The following OGDH variants were observed in gnomAD, a reference collection of about 807,000 sequenced individuals.
OGDH encodes oxoglutarate dehydrogenase.
In OGDH, 38 loss-of-function variants were observed where a neutral mutation model predicts 116.6. The observed-to-expected ratio is 0.33, with a 90% CI of 0.25 to 0.43. The LOEUF (loss-of-function observed/expected upper bound fraction) is 0.43, where lower values mean the gene tolerates loss of function less well. Among genes scored for constraint, OGDH ranks in the 20% least tolerant of loss-of-function variants. OGDH has a pLI of 1.00. For missense variants in OGDH, 825 were observed against 1,357.2 expected (o/e 0.61, Z 6.16); for synonymous variants, 488 against 533.3 (o/e 0.92, Z 1.17).
rs774482455 is a variant in OGDH at position 44,696,984 on chromosome 7, G to C, written c.1971G>C (p.Glu657Asp). ...GGACTGTGGACTGGGCTCTAGCGGA[G>C]TACATGGCGTTTGGCTCGCTCCTGA... ...KNRTVDWALA[E>D]YMAFGSLLKE... Residue 657 changes from glutamate (E) to aspartate (D), a missense_variant, in exon 15 of 23, where the codon GAG becomes GAC. Transcript: ENST00000222673. 1.9e-6 allele frequency: 3 copies of C among 1,614,250 alleles called. No homozygotes were observed. Among genetic ancestry groups the C allele is most frequent in the Non-Finnish European group, 2.5e-6 (3 of 1,180,038 alleles).
At chr7:44,668,445 C>T (rs187542686) in intron 5 of OGDH, among the ~76,000 whole-genome samples, 4 of 150,928 alleles carry the variant, frequency 2.7e-5, no homozygotes, top group Admixed American at 2.6e-4. Context: ...CAAAAACAAA[C>T]AAAAAAAAAC....
chr7:44,619,359 T>A (rs1395114432), intron 1 of OGDH, among the ~76,000 whole-genome samples: 1 of 152,156 alleles, frequency 6.6e-6, no homozygotes, highest in African/African-American at 2.4e-5. Flanking sequence ...CCTTGACCTG[T>A]GGTATCTGAT....
intron 4 of OGDH, among the ~76,000 whole-genome samples, chr7:44,648,939 T>C (rs779563747): frequency 2.8e-4 from 43 of 152,216 alleles, no homozygotes; most frequent in Non-Finnish European, 6.2e-4. Context: ...GGGCCTCTCT[T>C]TGCAGTGTCC....
chr7:44,663,365 C>T (rs1453370182), intron 4 of OGDH, among the ~76,000 whole-genome samples: 1 of 152,248 alleles, frequency 6.6e-6, no homozygotes, highest in Non-Finnish European at 1.5e-5. Context: ...GGGCCAGGTG[C>T]AGTGGCTTAC....
chr7:44,656,325 A>G, intron 4 of OGDH: 1 of 1,535,984 alleles, frequency 6.5e-7, no homozygotes. Flanking sequence ...CAGATCTTGC[A>G]GTTTTCAAGG....
intron 2 of OGDH, among the ~76,000 whole-genome samples, chr7:44,628,119 C>T (rs1785280387): frequency 6.6e-6 from 1 of 152,192 alleles, no homozygotes; most frequent in South Asian, 2.1e-4. Flanking sequence ...ACCCCAGTGA[C>T]TTTTTTATTT....
chr7:44,700,333 G>A (rs1007785276), intron 19 of OGDH, 64 bp downstream of exon 19: 27 of 1,592,268 alleles, frequency 1.7e-5, no homozygotes, highest in Non-Finnish European at 2.1e-5. Context: ...GCAGGGAAGG[G>A]CTCCTCAGAG....
chr7:44,670,803 G>T (rs956558815), intron 5 of OGDH, among the ~76,000 whole-genome samples: 1 of 152,092 alleles, frequency 6.6e-6, no homozygotes, highest in Non-Finnish European at 1.5e-5. Flanking sequence ...GAGGTCAGGA[G>T]ATCGAGACCA....
chr7:44,704,508 G>A (rs1047597896), intron 20 of OGDH, among the ~76,000 whole-genome samples: 3 of 151,812 alleles, frequency 2.0e-5, no homozygotes, highest in Non-Finnish European at 4.4e-5. Context: ...CATGAGCCAC[G>A]GTACCCAGCC....
chr7:44,678,265 C>T (rs1039214804), intron 9 of OGDH, among the ~76,000 whole-genome samples: 1 of 152,086 alleles, frequency 6.6e-6, no homozygotes, highest in African/African-American at 2.4e-5. Flanking sequence ...ATGACCAGTG[C>T]CTCTGGTATT....
rs781776901 is a variant in OGDH at position 44,697,044 on chromosome 7, C to T, written c.2031C>T (p.Asp677=). Residue 677 remains aspartate (D), a synonymous_variant, in exon 15 of 23, where the codon GAC becomes GAT. Coordinates refer to ENST00000222673, the MANE Select transcript of OGDH (RefSeq NM_002541.4). The surrounding 1 kb of genome is among the most constrained non-coding windows in gnomAD (Gnocchi z 6.0). The part of the protein sequence containing the change: ...EGIHIRLSGQ[D]VERGTFSHRH... ...TCCACATTCGGCTGAGCGGCCAGGA[C>T]GTGGAGCGGGGCACATTCAGGTAAC... The T allele has an allele frequency of 2.0e-5, 32 of 1,613,994 alleles. No homozygotes were observed. Among genetic ancestry groups the T allele is most frequent in the Non-Finnish European group, 2.6e-5 (31 of 1,179,960 alleles).
chr7:44,675,094 GA>G (rs200205402), intron 7 of OGDH, 83 bp from the exon 8 acceptor site: 2 of 1,031,932 alleles, frequency 1.9e-6, no homozygotes, highest in Non-Finnish European at 3.0e-6. Flanking sequence ...GGGGGAGGGG[GA>G]GGGGGGGATT....
At chr7:44,633,126 C>T (rs570466123) in intron 2 of OGDH, among the ~76,000 whole-genome samples, 5 of 151,214 alleles carry the variant, frequency 3.3e-5, no homozygotes, top group South Asian at 2.1e-4. Context: ...GGTGGCGCAC[C>T]CCTGTAGTCC....
chr7:44,681,759 G>A lies in OGDH; in HGVS notation c.1246G>A (p.Gly416Ser), dbSNP rs1241531508. ...GTTGCATGGGGATGCTGCATTTGCT[G>A]GCCAGGGCATTGTGTACGAGACCTT... Reference protein sequence around the residue: ...ILLHGDAAFAGQGIVYETFHL... With the variant: ...ILLHGDAAFASQGIVYETFHL... The change falls in exon 10 of 23, where the codon GGC (glycine) becomes AGC (serine). Residue 416 changes from glycine to serine, a missense_variant. Physicochemically the swap from Gly to Ser is moderately conservative, Grantham distance 56. Coordinates refer to ENST00000222673, the MANE Select transcript of OGDH (RefSeq NM_002541.4). The A allele has an allele frequency of 6.2e-7, 1 of 1,614,018 alleles. No individual in the cohort carries two copies. Among genetic ancestry groups the A allele is most frequent in the African/African-American group, 1.3e-5 (1 of 74,908 alleles).
At chr7:44,616,264 G>A (rs1784762960) in intron 1 of OGDH, among the ~76,000 whole-genome samples, 1 of 152,000 alleles carries the variant, frequency 6.6e-6, no homozygotes, top group South Asian at 2.1e-4. Flanking sequence ...TTTTAAAAGT[G>A]CCTATTTATC....
intron 4 of OGDH, among the ~76,000 whole-genome samples, chr7:44,654,146 C>T (rs993181886): frequency 4.6e-5 from 7 of 152,164 alleles, no homozygotes; most frequent in Non-Finnish European, 1.0e-4. Flanking sequence ...TGAGCCACCA[C>T]GCTCCGTGAG....
At chr7:44,627,146 G>C (rs989585004) in intron 2 of OGDH, among the ~76,000 whole-genome samples, 1 of 152,144 alleles carries the variant, frequency 6.6e-6, no homozygotes, top group South Asian at 2.1e-4. Context: ...ACAGGCCTGT[G>C]CCACCACGCC....
intron 2 of OGDH, among the ~76,000 whole-genome samples, chr7:44,633,624 G>A (rs1031072434): frequency 6.6e-6 from 1 of 152,186 alleles, no homozygotes; most frequent in Non-Finnish European, 1.5e-5. Context: ...TGATTGGATC[G>A]TGAGGTGAGG....
intron 1 of OGDH, among the ~76,000 whole-genome samples, chr7:44,623,769 C>T (rs1785093513): frequency 6.6e-6 from 1 of 152,126 alleles, no homozygotes; most frequent in Admixed American, 6.5e-5. Flanking sequence ...CCTCAGCCTC[C>T]CAAGTATCTG....
Sources: allele counts gnomAD v4.1 joint callset (sites outside exome capture counted in the v4.1 genomes callset), GRCh38; gene constraint gnomAD v4.1.1; non-coding constraint Gnocchi (gnomAD v3.1); transcripts MANE v1.5; gene names NCBI Gene and HGNC (gene_info 2026-07-23, HGNC 2026-07-21).